The following C7orf78 variants were observed in gnomAD, a reference collection of about 807,000 sequenced individuals.
C7orf78 encodes putative uncharacterized protein C7orf78.
At chr7:12,522,344 T>G in the C7orf78 span, among the ~76,000 whole-genome samples, 1 of 152,062 alleles carries the variant, frequency 6.6e-6, no homozygotes, top group African/African-American at 2.4e-5. Flanking sequence ...ATCTGAGAAG[T>G]GTAATAATGA....
At chr7:12,501,457 A>C in the C7orf78 span, among the ~76,000 whole-genome samples, 1 of 152,132 alleles carries the variant, frequency 6.6e-6, no homozygotes, top group Admixed American at 6.5e-5. Context: ...AGAGAGCTAA[A>C]TCATGAGTGG....
the C7orf78 span, among the ~76,000 whole-genome samples, chr7:12,497,303 A>G: frequency 1.3e-5 from 2 of 152,016 alleles, no homozygotes; most frequent in Non-Finnish European, 2.9e-5. Flanking sequence ...CTGCATTTCC[A>G]TCTAAGGTAC....
chr7:12,506,363 T>C, the C7orf78 span, among the ~76,000 whole-genome samples: 2 of 118,902 alleles, frequency 1.7e-5, no homozygotes, highest in Non-Finnish European at 3.7e-5. Context: ...TACGGCACTA[T>C]TCACAATGCA....
At chr7:12,502,954 G>A in the C7orf78 span, among the ~76,000 whole-genome samples, 4 of 151,318 alleles carry the variant, frequency 2.6e-5, no homozygotes, top group Admixed American at 1.3e-4. Flanking sequence ...GAAATTGGAA[G>A]TCATCATTCT....
chr7:12,504,108 T>C, the C7orf78 span, among the ~76,000 whole-genome samples: 1 of 152,208 alleles, frequency 6.6e-6, no homozygotes, highest in Non-Finnish European at 1.5e-5. Flanking sequence ...TCATATAATA[T>C]ATCACATGTC....
the C7orf78 span, among the ~76,000 whole-genome samples, chr7:12,499,816 C>T: frequency 6.7e-6 from 1 of 148,824 alleles, no homozygotes; most frequent in Non-Finnish European, 1.5e-5. Context: ...CCAAAATTGA[C>T]CACATACTTG....
chr7:12,489,027 T>C, the C7orf78 span, among the ~76,000 whole-genome samples: 4 of 151,690 alleles, frequency 2.6e-5, no homozygotes, highest in Admixed American at 2.6e-4. Flanking sequence ...AGAAAAGGAA[T>C]ACCCAAATGC....
the C7orf78 span, among the ~76,000 whole-genome samples, chr7:12,517,338 G>GT: frequency 6.6e-6 from 1 of 152,114 alleles, no homozygotes. Flanking sequence ...ATGAGGAACT[G>GT]TAAGTCCAAT....
At chr7:12,513,832 C>G in the C7orf78 span, among the ~76,000 whole-genome samples, 1 of 151,634 alleles carries the variant, frequency 6.6e-6, no homozygotes, top group Middle Eastern at 3.2e-3. Context: ...AACCCCGTCT[C>G]TACTAAAAAT....
the C7orf78 span, chr7:12,529,055 CTT>C: frequency 2.8e-5 from 11 of 398,310 alleles, no homozygotes; most frequent in Non-Finnish European, 4.0e-5. Context: ...GTGAGTTTGA[CTT>C]TCTCTATAGC....
the C7orf78 span, among the ~76,000 whole-genome samples, chr7:12,501,427 T>A: frequency 5.0e-3 from 754 of 151,970 alleles, 6 homozygotes; most frequent in Middle Eastern, 0.01. Flanking sequence ...AGCATTCCTA[T>A]ACACCAACAA....
chr7:12,515,212 A>T, the C7orf78 span, among the ~76,000 whole-genome samples: 1 of 152,194 alleles, frequency 6.6e-6, no homozygotes, highest in East Asian at 1.9e-4. Context: ...TGAGGGACCC[A>T]GTGGGAGATA....
chr7:12,498,110 C>T, the C7orf78 span, among the ~76,000 whole-genome samples: 3 of 150,912 alleles, frequency 2.0e-5, no homozygotes, highest in African/African-American at 2.4e-5. Flanking sequence ...AGACCAAAAG[C>T]AGATAAAACC....
At chr7:12,538,153 G>A in the C7orf78 span, among the ~76,000 whole-genome samples, 3 of 152,248 alleles carry the variant, frequency 2.0e-5, no homozygotes, top group Non-Finnish European at 4.4e-5. Context: ...ATACGTACAT[G>A]TAAAACTTTA....
the C7orf78 span, among the ~76,000 whole-genome samples, chr7:12,528,077 T>G: frequency 1.3e-5 from 2 of 148,420 alleles, no homozygotes; most frequent in Admixed American, 6.7e-5. Context: ...GTCACTCACT[T>G]TGGTAGAAAA....
At chr7:12,524,477 C>T in the C7orf78 span, among the ~76,000 whole-genome samples, 2 of 152,030 alleles carry the variant, frequency 1.3e-5, no homozygotes, top group Non-Finnish European at 2.9e-5. Context: ...TATTTCCATT[C>T]ATAGTAAATA....
At chr7:12,506,436 A>C in the C7orf78 span, among the ~76,000 whole-genome samples, 2 of 152,236 alleles carry the variant, frequency 1.3e-5, no homozygotes, top group African/African-American at 4.8e-5. Context: ...TGTGGCACAT[A>C]TACACCATGA....
At chr7:12,504,724 T>G in the C7orf78 span, among the ~76,000 whole-genome samples, 12 of 152,052 alleles carry the variant, frequency 7.9e-5, no homozygotes, top group Non-Finnish European at 1.0e-4. Context: ...AATAAATAAA[T>G]AAGAAATTAT....
chr7:12,513,866 G>A, the C7orf78 span, among the ~76,000 whole-genome samples: 12 of 152,180 alleles, frequency 7.9e-5, no homozygotes, highest in East Asian at 9.7e-4. Flanking sequence ...TGGGCGTGGT[G>A]GTGGGTGCCT....
Sources: allele counts gnomAD v4.1 joint callset (sites outside exome capture counted in the v4.1 genomes callset), GRCh38; gene constraint gnomAD v4.1.1; transcripts MANE v1.5; gene names NCBI Gene and HGNC (gene_info 2026-07-23, HGNC 2026-07-21).